The following SHISA9 variants were observed in gnomAD, a reference collection of about 807,000 sequenced individuals.
SHISA9 encodes the protein protein shisa-9.
Under a neutral mutation model 38.0 loss-of-function variants are expected in SHISA9, and 13 were observed. That is an observed-to-expected ratio of 0.34 (90% CI 0.22 to 0.54). The LOEUF (loss-of-function observed/expected upper bound fraction) is 0.54, where lower values mean the gene tolerates loss of function less well. Among genes scored for constraint, SHISA9 ranks in the 20% least tolerant of loss-of-function variants. SHISA9 has a pLI of 0.91. For missense variants in SHISA9, 538 were observed against 575.8 expected, an observed-to-expected ratio of 0.93 and a Z score of 0.67; for synonymous variants, 275 against 242.0, an observed-to-expected ratio of 1.14 and a Z score of -1.27.
chr16:12,988,843 A>C (rs1210434912), intron 2 of SHISA9, among the ~76,000 whole-genome samples: 1 of 152,098 alleles, frequency 6.6e-6, no homozygotes, highest in Non-Finnish European at 1.5e-5. Context: ...TTTTCTAAGA[A>C]AAAATAAAAA....
intron 2 of SHISA9, among the ~76,000 whole-genome samples, chr16:13,139,346 CCCTT>C (rs1444645507): frequency 3.0e-5 from 4 of 134,470 alleles, no homozygotes; most frequent in Non-Finnish European, 6.4e-5. Context: ...TTCTTCACAC[CCCTT>C]CCCTCCCTCC....
chr16:13,247,343 A>C, the SHISA9 span, among the ~76,000 whole-genome samples: 2 of 152,018 alleles, frequency 1.3e-5, no homozygotes, highest in Admixed American at 1.3e-4. Context: ...TTAAACTTCT[A>C]CTCTATGCTA....
At chr16:13,059,221 G>A (rs906315848) in intron 2 of SHISA9, among the ~76,000 whole-genome samples, 2 of 147,400 alleles carry the variant, frequency 1.4e-5, no homozygotes, top group African/African-American at 2.5e-5. Context: ...TCCCCCTCCC[G>A]GGTTCATGCC....
At chr16:13,090,016 G>A (rs2073756995) in intron 2 of SHISA9, among the ~76,000 whole-genome samples, 3 of 152,064 alleles carry the variant, frequency 2.0e-5, no homozygotes, top group African/African-American at 7.2e-5. Context: ...TGTTCTCATT[G>A]GTTTCAAAGA....
intron 3 of SHISA9, among the ~76,000 whole-genome samples, 198 bp downstream of exon 3, chr16:13,203,747 A>G (rs1236430828): frequency 1.3e-5 from 2 of 151,646 alleles, no homozygotes; most frequent in South Asian, 2.1e-4. Context: ...ATATCTATCT[A>G]TGTCTGTCTA....
intron 2 of SHISA9, among the ~76,000 whole-genome samples, chr16:13,118,121 G>A (rs1369549788): frequency 6.6e-6 from 1 of 151,380 alleles, no homozygotes; most frequent in Non-Finnish European, 1.5e-5. Context: ...GGCGGAGGTT[G>A]CAGTGAGTGG....
intron 2 of SHISA9, among the ~76,000 whole-genome samples, chr16:12,966,932 C>T (rs1438432948): frequency 6.6e-6 from 1 of 152,198 alleles, no homozygotes; most frequent in Admixed American, 6.5e-5. Flanking sequence ...AGCCATTCAA[C>T]AGGTTTCCTG....
the SHISA9 span, among the ~76,000 whole-genome samples, chr16:13,472,627 C>G: frequency 6.6e-6 from 1 of 151,898 alleles, no homozygotes. Context: ...CTCCTGACCT[C>G]GTGATCCGCC....
At chr16:13,290,515 G>T in the SHISA9 span, among the ~76,000 whole-genome samples, 4 of 152,100 alleles carry the variant, frequency 2.6e-5, no homozygotes, top group African/African-American at 9.7e-5. Context: ...CAATTAAGTA[G>T]TGATGAGTTT....
chr16:13,207,465 A>G (rs559782400), intron 3 of SHISA9, among the ~76,000 whole-genome samples: 16 of 129,540 alleles, frequency 1.2e-4, no homozygotes, highest in African/African-American at 4.5e-4. Context: ...TGTCTTTGAC[A>G]AGAATAAAAA....
intron 2 of SHISA9, among the ~76,000 whole-genome samples, chr16:13,162,134 A>G (rs2050600359): frequency 6.6e-6 from 1 of 152,180 alleles, no homozygotes. Flanking sequence ...TCAAGTAGGT[A>G]ATGTAAGACT....
chr16:13,016,767 G>T (rs752499063), intron 2 of SHISA9, among the ~76,000 whole-genome samples: 1 of 152,108 alleles, frequency 6.6e-6, no homozygotes, highest in Non-Finnish European at 1.5e-5. Flanking sequence ...AGAACTGTAG[G>T]AAAAAGAATG....
At chr16:13,368,406 G>A in the SHISA9 span, among the ~76,000 whole-genome samples, 69 of 152,152 alleles carry the variant, frequency 4.5e-4, 1 homozygote, top group African/African-American at 1.4e-3. Flanking sequence ...TCAAAAACAT[G>A]CTAATTAAGA....
At chr16:13,105,102 T>C (rs1211217667) in intron 2 of SHISA9, among the ~76,000 whole-genome samples, 2 of 152,178 alleles carry the variant, frequency 1.3e-5, no homozygotes, top group East Asian at 3.8e-4. Context: ...TAAAATATAT[T>C]AAAAACTTAA....
chr16:13,159,467 C>A (rs1357494998), intron 2 of SHISA9, among the ~76,000 whole-genome samples: 1 of 152,142 alleles, frequency 6.6e-6, no homozygotes, highest in East Asian at 1.9e-4. Flanking sequence ...GAGAAGAAAG[C>A]CCAGTACTGT....
At chr16:13,512,405 A>G in the SHISA9 span, among the ~76,000 whole-genome samples, 1 of 152,218 alleles carries the variant, frequency 6.6e-6, no homozygotes, top group African/African-American at 2.4e-5. Flanking sequence ...GATAGAATCA[A>G]TATCGTGAAA....
intron 2 of SHISA9, among the ~76,000 whole-genome samples, chr16:13,067,855 AC>A (rs1431426723): frequency 1.3e-5 from 2 of 152,146 alleles, no homozygotes; most frequent in Non-Finnish European, 2.9e-5. Flanking sequence ...TGCTGCCTTC[AC>A]CACTCTCCTG....
chr16:13,292,277 G>T, the SHISA9 span, among the ~76,000 whole-genome samples: 4 of 151,838 alleles, frequency 2.6e-5, no homozygotes, highest in Non-Finnish European at 5.9e-5. Flanking sequence ...TTTAAACCAG[G>T]CCACTCCTAA....
At chr16:13,466,024 T>G in the SHISA9 span, among the ~76,000 whole-genome samples, 1 of 152,238 alleles carries the variant, frequency 6.6e-6, no homozygotes, top group Non-Finnish European at 1.5e-5. Context: ...TGGCTAATTT[T>G]TTTGGCATCA....
Sources: gnomAD v4.1 joint callset for allele counts (sites outside exome capture counted in the v4.1 genomes callset) on GRCh38, gnomAD v4.1.1 for gene constraint, MANE v1.5 for transcripts, NCBI Gene and HGNC (gene_info 2026-07-23, HGNC 2026-07-21) for gene names.